Variants in CDH18 observed in about 807,000 individuals in gnomAD.
The protein encoded by CDH18 is cadherin-18.
A neutral mutation model predicts 67.9 loss-of-function variants in CDH18; 31 were observed. The ratio of observed to expected loss-of-function variants is 0.46; its 90% CI spans 0.34 to 0.62. The LOEUF is 0.62. Ranked by LOEUF, CDH18 falls within the 20% of genes least tolerant of loss-of-function variation. The probability of loss-of-function intolerance (pLI) is 0.01; values close to 1 mark genes in which losing one functional copy is unlikely to be tolerated. For synonymous variants in CDH18, 362 were observed against 347.2 expected, an observed-to-expected ratio of 1.04 and a Z score of -0.48; for missense variants, 890 against 975.5, an observed-to-expected ratio of 0.91 and a Z score of 1.17.
At chr5:20,527,089 C>T (rs1756114970) in intron 1 of CDH18, among the ~76,000 whole-genome samples, 1 of 152,076 alleles carries the variant, frequency 6.6e-6, no homozygotes, top group Non-Finnish European at 1.5e-5. Flanking sequence ...AGCTGAGAAA[C>T]AGAGCATGAG....
At chr5:19,773,447 A>G (rs565003114) in intron 3 of CDH18, among the ~76,000 whole-genome samples, 6 of 152,312 alleles carry the variant, frequency 3.9e-5, no homozygotes, top group African/African-American at 1.4e-4. Flanking sequence ...ACAAGGGGCA[A>G]GCATGGAGAA....
chr5:20,085,778 G>A (rs1006358632), intron 2 of CDH18, among the ~76,000 whole-genome samples: 17 of 152,106 alleles, frequency 1.1e-4, no homozygotes, highest in African/African-American at 3.9e-4. Context: ...AGAACAGCAT[G>A]AGAAAGACTT....
At position 19,978,712 on chromosome 5, in the gene CDH18, C is replaced by G. The variant is rs115671845; in HGVS notation, c.-257+2348G>C. 5.2e-3 allele frequency among the ~76,000 whole-genome samples: 784 copies of G among 152,192 alleles called. 2 individuals carry two copies. The highest frequency in any genetic ancestry group is 7.8e-3 in the Non-Finnish European group (530 of 67,988). Reference sequence around the variant, plus strand: ...CTGACCAAAGCACTTGGCCCTCTTCCTTCATACTCCAAAACCAGCAAAATC... The same window carrying G: ...CTGACCAAAGCACTTGGCCCTCTTCGTTCATACTCCAAAACCAGCAAAATC... On this transcript the variant is annotated intron_variant, in intron 2 of 12. Transcript: ENST00000382275.
intron 5 of CDH18, among the ~76,000 whole-genome samples, chr5:19,718,386 T>G (rs1281995353): frequency 1.3e-5 from 2 of 152,034 alleles, no homozygotes; most frequent in African/African-American, 4.8e-5. Flanking sequence ...GTGACTACTA[T>G]TTCCATGCTT....
chr5:20,542,032 G>A (rs943251706), intron 1 of CDH18, among the ~76,000 whole-genome samples: 11 of 152,164 alleles, frequency 7.2e-5, no homozygotes, highest in African/African-American at 2.6e-4. Flanking sequence ...TGCAACCTCA[G>A]CCTCCCAGGT....
At chr5:19,993,529 A>G (rs1207544918) in intron 2 of CDH18, among the ~76,000 whole-genome samples, 1 of 152,122 alleles carries the variant, frequency 6.6e-6, no homozygotes, top group Non-Finnish European at 1.5e-5. Context: ...CAGTTGACAA[A>G]GCTGATACCA....
At chr5:20,227,511 C>T (rs990319859) in intron 2 of CDH18, among the ~76,000 whole-genome samples, 1 of 152,146 alleles carries the variant, frequency 6.6e-6, no homozygotes, top group South Asian at 2.1e-4. Context: ...TCTCCACACA[C>T]ATCCTCTCTA....
intron 1 of CDH18, among the ~76,000 whole-genome samples, chr5:20,402,929 A>G (rs1309880849): frequency 6.6e-6 from 1 of 152,002 alleles, no homozygotes; most frequent in Non-Finnish European, 1.5e-5. Context: ...ATAAATAAAT[A>G]AAAAGAATGT....
At position 19,979,872 on chromosome 5, in the gene CDH18, G is replaced by A. The variant is rs1005487498; in HGVS notation, c.-257+1188C>T. ...ACATAATACTGAATGGGGAAAAGTT[G>A]AAAGCATTCCCTCTGAGAACTGCAA... On this transcript the variant is annotated intron_variant, in intron 2 of 12. Transcript: ENST00000382275. 8.5e-4 allele frequency among the ~76,000 whole-genome samples: 129 copies of A among 152,190 alleles called. 1 individual carries two copies. Among genetic ancestry groups the A allele is most frequent in the Non-Finnish European group, 3.1e-4 (21 of 67,998 alleles).
chr5:20,469,322 G>C (rs1751885299), intron 1 of CDH18, among the ~76,000 whole-genome samples: 1 of 151,778 alleles, frequency 6.6e-6, no homozygotes, highest in African/African-American at 2.4e-5. Flanking sequence ...ACATTCAAAA[G>C]ACGTTCAATA....
chr5:19,893,381 C>T (rs1788976559), intron 2 of CDH18, among the ~76,000 whole-genome samples: 1 of 151,946 alleles, frequency 6.6e-6, no homozygotes. Flanking sequence ...AAAGTTTTCC[C>T]CAAATAGCGT....
At chr5:20,339,810 A>G (rs1026100755) in intron 1 of CDH18, among the ~76,000 whole-genome samples, 3 of 152,220 alleles carry the variant, frequency 2.0e-5, no homozygotes, top group Admixed American at 6.5e-5. Context: ...GAACTTAACC[A>G]AAGTATTTAA....
At chr5:19,651,622 T>G (rs1031918445) in intron 5 of CDH18, among the ~76,000 whole-genome samples, 1 of 152,090 alleles carries the variant, frequency 6.6e-6, no homozygotes, top group Non-Finnish European at 1.5e-5. Flanking sequence ...TCATTGAAAC[T>G]ATAAGATAAA....
chr5:20,013,711 G>A (rs1292692652), intron 2 of CDH18, among the ~76,000 whole-genome samples: 1 of 151,986 alleles, frequency 6.6e-6, no homozygotes, highest in East Asian at 1.9e-4. Context: ...CAATTTGGGT[G>A]TTCAAATTTA....
intron 2 of CDH18, among the ~76,000 whole-genome samples, chr5:20,116,111 T>C (rs189738983): frequency 6.6e-6 from 1 of 152,218 alleles, no homozygotes; most frequent in East Asian, 1.9e-4. Flanking sequence ...TACTATAGAG[T>C]TCCTTTCTGT....
At chr5:20,415,287 T>A (rs1162694825) in intron 1 of CDH18, among the ~76,000 whole-genome samples, 1 of 151,902 alleles carries the variant, frequency 6.6e-6, no homozygotes, top group Non-Finnish European at 1.5e-5. Flanking sequence ...CTCGGGAGGC[T>A]GAGGCAGGTG....
intron 3 of CDH18, among the ~76,000 whole-genome samples, chr5:19,764,054 G>A (rs1772737845): frequency 7.0e-6 from 1 of 142,626 alleles, no homozygotes; most frequent in South Asian, 2.3e-4. Flanking sequence ...TGTAATCCCA[G>A]CTACTTGGGA....
chr5:19,934,268 T>C lies in CDH18; in HGVS notation c.-257+46792A>G, dbSNP rs77278719. 7.5e-3 allele frequency among the ~76,000 whole-genome samples: 1,139 copies of C among 151,490 alleles called. 12 individuals are homozygous for C. Among genetic ancestry groups the C allele is most frequent in the African/African-American group, 0.027 (1,109 of 41,470 alleles). ...ATGAACATTAGATGTGAGAAGGACTTAATGTGCTGGATGATTTCTGTATCC... is the reference window on the plus strand; with the variant it reads ...ATGAACATTAGATGTGAGAAGGACTCAATGTGCTGGATGATTTCTGTATCC... On this transcript the variant is annotated intron_variant, in intron 2 of 12. Transcript: ENST00000382275.
intron 5 of CDH18, among the ~76,000 whole-genome samples, chr5:19,666,241 TTATTATTA>T (rs1757914561): frequency 1.6e-5 from 1 of 61,930 alleles, no homozygotes; most frequent in African/African-American, 1.5e-4. Context: ...ATGATTTTTA[TTATTATTA>T]TTATTATTAT....
Sources: gnomAD v4.1 joint callset for allele counts (sites outside exome capture counted in the v4.1 genomes callset) on GRCh38, gnomAD v4.1.1 for gene constraint, MANE v1.5 for transcripts, NCBI Gene and HGNC (gene_info 2026-07-23, HGNC 2026-07-21) for gene names.